ADH6: variants seen among roughly 807,000 people sequenced by gnomAD.
ADH6 encodes the protein alcohol dehydrogenase 6 (class V).
ADH6 carries 34 observed loss-of-function variants against 36.5 expected under a neutral mutation model. The ratio of observed to expected loss-of-function variants is 0.93; its 90% CI spans 0.71 to 1.24. The LOEUF (loss-of-function observed/expected upper bound fraction) is 1.24. ADH6 is among the 50% of genes most tolerant of loss of function. The pLI is 0.00. For synonymous variants in ADH6, 161 were observed against 155.5 expected, an observed-to-expected ratio of 1.04 and a Z score of -0.26; for missense variants, 440 against 447.0, an observed-to-expected ratio of 0.98 and a Z score of 0.14.
In ADH6 at chr4:99,213,665, C is replaced by G; in HGVS notation, c.203G>C (p.Gly68Ala). The G allele has an allele frequency of 6.2e-7, 1 of 1,613,948 alleles. No homozygotes were observed. The highest frequency in any genetic ancestry group is 1.3e-5 in the African/African-American group (1 of 75,012). ...HLDLLYPTIL[G>A]HEGAGIVESI... ...CTCAACGATTCCAGCCCCTTCATGGCCCAAGATGGTGGGATACAAGAGGTC... is the reference window on the plus strand; with the variant it reads ...CTCAACGATTCCAGCCCCTTCATGGGCCAAGATGGTGGGATACAAGAGGTC... The change falls in exon 3 of 9, where the codon GGC (glycine) becomes GCC (alanine). Residue 68 changes from glycine to alanine, a missense_variant. Transcript: ENST00000394899.
intron 6 of ADH6, among the ~76,000 whole-genome samples, 174 bp from the exon 7 acceptor site, chr4:99,207,755 A>G (rs1432644201): frequency 2.0e-5 from 3 of 152,132 alleles, no homozygotes; most frequent in Admixed American, 6.6e-5. Flanking sequence ...CACATATAAG[A>G]CGTTGTATGT....
At chr4:99,216,135 A>ATTTTTTTT (rs34008565) in intron 2 of ADH6, 26 bp downstream of exon 2, 13 of 865,296 alleles carry the variant, frequency 1.5e-5, no homozygotes, top group East Asian at 7.0e-5. Flanking sequence ...TTTTGGTGTG[A>ATTTTTTTT]TTTTTTTTTT....
Position 99,213,750 on chromosome 4 carries a change from G to T in ADH6, c.121-3C>A, listed in dbSNP as rs1560808316. The T allele has an allele frequency of 3.1e-6, 5 of 1,599,460 alleles. No homozygotes were observed. The South Asian group carries it at 3.4e-5, about 11-fold the overall frequency. ...CCACACAGTCCGGTGGCCACAACCT[G>T]TATGGAAGGCAAAGGGTACTGCAGT... On this transcript the variant is annotated splice_polypyrimidine_tract_variant and splice_region_variant and intron_variant, in intron 2 of 8. Transcript: ENST00000394899.
In ADH6 at chr4:99,208,924, G is replaced by A. The variant is rs1004920303; in HGVS notation, c.572C>T (p.Thr191Ile). 1.2e-6 allele frequency: 2 copies of A among 1,612,816 alleles called. No homozygotes were observed. The highest frequency in any genetic ancestry group is 1.3e-5 in the African/African-American group (1 of 74,922). ...AAACACAGCACAGGTAGAACCTGGAGTCACCTAAACACATACAGGCAGAAA... is the reference window on the plus strand; with the variant it reads ...AAACACAGCACAGGTAGAACCTGGAATCACCTAAACACATACAGGCAGAAA... ...FGAAINTAKVTPGSTCAVFGL... is the reference protein window; with the variant it reads ...FGAAINTAKVIPGSTCAVFGL... Residue 191 changes from threonine (T) to isoleucine (I), a missense_variant, in exon 6 of 9, where the codon ACT (threonine) becomes ATT (isoleucine). Transcript: ENST00000394899.
intron 2 of ADH6, 71 bp downstream of exon 2, chr4:99,216,090 T>C: frequency 1.3e-6 from 1 of 762,600 alleles, no homozygotes; most frequent in Non-Finnish European, 2.0e-6. Context: ...CGGATAAGAA[T>C]ATGTAACTTA....
intron 3 of ADH6, 123 bp downstream of exon 3, chr4:99,213,483 A>G (rs1276254568): frequency 1.1e-6 from 1 of 879,504 alleles, no homozygotes; most frequent in Middle Eastern, 2.4e-4. Flanking sequence ...CTACTTTTCT[A>G]AGAAGTTGGA....
chr4:99,217,673 A>G (rs1190090911), intron 1 of ADH6, among the ~76,000 whole-genome samples: 1 of 152,222 alleles, frequency 6.6e-6, no homozygotes, highest in Non-Finnish European at 1.5e-5. Context: ...TAGTGCTGCA[A>G]TAAACAGGCA....
chr4:99,205,556 A>G (rs1284628813), intron 7 of ADH6, among the ~76,000 whole-genome samples: 1 of 152,100 alleles, frequency 6.6e-6, no homozygotes, highest in Admixed American at 6.6e-5. Context: ...AGCTCTTGGG[A>G]AAAGAATGTG....
intron 6 of ADH6, 95 bp downstream of exon 6, chr4:99,208,573 G>A (rs1407677743): frequency 1.4e-6 from 2 of 1,394,554 alleles, no homozygotes; most frequent in African/African-American, 2.9e-5. Context: ...ATTAAATAGA[G>A]CAAAGTGGAG....
chr4:99,212,203 T>A (rs1340028018), intron 3 of ADH6, among the ~76,000 whole-genome samples: 7 of 152,168 alleles, frequency 4.6e-5, no homozygotes, highest in African/African-American at 1.4e-4. Context: ...ATATTACATA[T>A]TGCTGCATTT....
intron 3 of ADH6, among the ~76,000 whole-genome samples, chr4:99,213,380 G>A (rs77057359): frequency 0.011 from 1,737 of 152,014 alleles, 25 homozygotes; most frequent in African/African-American, 0.039. Flanking sequence ...CAGTTTCAGT[G>A]CATTCTACTT....
At position 99,210,075 on chromosome 4, in the gene ADH6, C is replaced by T. The variant is rs2110548110; in HGVS notation, c.567+7G>A. On this transcript the variant is annotated splice_region_variant and intron_variant, in intron 5 of 8. Transcript: ENST00000394899. ...TTCCCTTCCAAATGGGTATAAATGC[C>T]CCTCACCTTGGCAGTATTGATTGCA... 1 of 1,612,730 alleles carries T rather than the reference C, an allele frequency of 6.2e-7. No homozygotes were observed. The highest frequency in any genetic ancestry group is 8.5e-7 in the Non-Finnish European group (1 of 1,179,238).
chr4:99,208,050 T>C (rs1290211538), intron 6 of ADH6, among the ~76,000 whole-genome samples: 1 of 152,102 alleles, frequency 6.6e-6, no homozygotes, highest in East Asian at 1.9e-4. Flanking sequence ...CTGTTTCTTC[T>C]TACAGATAAA....
intron 5 of ADH6, 145 bp from the exon 6 acceptor site, chr4:99,209,073 T>A: frequency 2.2e-6 from 2 of 890,436 alleles, no homozygotes; most frequent in Non-Finnish European, 3.2e-6. Flanking sequence ...ATATTATAAC[T>A]ACAAAGTTTT....
At chr4:99,209,537 T>C (rs1347190991) in intron 5 of ADH6, among the ~76,000 whole-genome samples, 1 of 152,108 alleles carries the variant, frequency 6.6e-6, no homozygotes, top group Non-Finnish European at 1.5e-5. Flanking sequence ...GTTTTAGAAA[T>C]AAGAGTTCAA....
chr4:99,206,400 G>A lies in ADH6; in HGVS notation c.964+1046C>T, dbSNP rs187279527. On this transcript the variant is annotated intron_variant, in intron 7 of 8. Coordinates refer to ENST00000394899, the MANE Select transcript of ADH6 (RefSeq NM_001102470.2). ...TTCACTGAGGGTTTTAAGAATATTG[G>A]TAATCTTATTTTTATAAGACTTAGC... is the stretch of plus-strand genomic sequence containing the variant. Among the ~76,000 whole-genome samples the A allele has an allele frequency of 6.9e-4, 105 of 152,048 alleles. No homozygotes were observed. The Middle Eastern group carries it at 0.01, about 15-fold the overall frequency.
At chr4:99,207,409 C>T (rs1212636022) in intron 7 of ADH6, 37 bp downstream of exon 7, 1 of 1,611,764 alleles carries the variant, frequency 6.2e-7, no homozygotes, top group Non-Finnish European at 8.5e-7. Context: ...ACCTTCACCT[C>T]CTCAGGCATT....
chr4:99,218,307 G>A (rs1420874513), intron 1 of ADH6, among the ~76,000 whole-genome samples: 1 of 152,090 alleles, frequency 6.6e-6, no homozygotes, highest in African/African-American at 2.4e-5. Flanking sequence ...AGAAACCTGG[G>A]AAGTAGCCTC....
At chr4:99,211,958 G>C (rs1282482478) in intron 3 of ADH6, among the ~76,000 whole-genome samples, 1 of 152,080 alleles carries the variant, frequency 6.6e-6, no homozygotes, top group Non-Finnish European at 1.5e-5. Context: ...TCCAGATAAG[G>C]ACCCAGCTGG....
Sources: allele counts gnomAD v4.1 joint callset (sites outside exome capture counted in the v4.1 genomes callset), GRCh38; gene constraint gnomAD v4.1.1; transcripts MANE v1.5; gene names NCBI Gene and HGNC (gene_info 2026-07-23, HGNC 2026-07-21).